Variants in ROBO2 observed in about 807,000 individuals in gnomAD.
ROBO2 encodes roundabout guidance receptor 2.
Under a neutral mutation model 160.8 loss-of-function variants are expected in ROBO2, and 53 were observed. The ratio of observed to expected loss-of-function variants is 0.33; its 90% CI spans 0.26 to 0.41. The LOEUF (loss-of-function observed/expected upper bound fraction) is 0.41. Among genes scored for constraint, ROBO2 ranks in the 10% least tolerant of loss-of-function variants. The pLI is 1.00. For missense variants in ROBO2, 1,577 were observed against 1,722.4 expected (o/e 0.92, Z 1.49); for synonymous variants, 664 against 611.7 (o/e 1.09, Z -1.26).
intron 2 of ROBO2, among the ~76,000 whole-genome samples, chr3:76,532,665 C>A (rs769860446): frequency 6.6e-6 from 1 of 152,096 alleles, no homozygotes; most frequent in Non-Finnish European, 1.5e-5. Context: ...TGTGACATGA[C>A]TGACATGTGA....
intron 2 of ROBO2, among the ~76,000 whole-genome samples, chr3:76,640,293 A>G (rs2090587333): frequency 6.6e-6 from 1 of 152,154 alleles, no homozygotes; most frequent in African/African-American, 2.4e-5. Context: ...CACTTTGGGA[A>G]GCCTAGGGGA....
intron 2 of ROBO2, among the ~76,000 whole-genome samples, chr3:76,439,433 C>T (rs1455576236): frequency 5.3e-5 from 8 of 151,316 alleles, no homozygotes; most frequent in Non-Finnish European, 7.4e-5. Context: ...AAAGAAGAAG[C>T]ATGAAGAGCT....
chr3:77,377,944 A>T (rs551256591), intron 2 of ROBO2, among the ~76,000 whole-genome samples: 1 of 152,142 alleles, frequency 6.6e-6, no homozygotes, highest in East Asian at 1.9e-4. Flanking sequence ...GAGGTGAGGG[A>T]TAATTTTTAT....
chr3:76,285,905 A>G lies in ROBO2; in HGVS notation c.109+348303A>G, dbSNP rs538227025. Among the ~76,000 whole-genome samples, 4 of 152,264 alleles carry G rather than the reference A, an allele frequency of 2.6e-5. No homozygotes were observed. In the East Asian group the frequency reaches 7.7e-4, roughly 29 times the overall value. Reference sequence around the variant, plus strand: ...TTGTATACAGTCCTGTTTGATTTAAAATGTAATCCGCACCCATACTCTTTA... The same window carrying G: ...TTGTATACAGTCCTGTTTGATTTAAGATGTAATCCGCACCCATACTCTTTA... On this transcript the variant is annotated intron_variant, in intron 2 of 26. Coordinates refer to the ROBO2 transcript ENST00000487694.
chr3:76,021,070 T>G (rs2066561811), intron 2 of ROBO2, among the ~76,000 whole-genome samples: 2 of 151,792 alleles, frequency 1.3e-5, no homozygotes, highest in African/African-American at 4.8e-5. Context: ...GGAAGAGTTG[T>G]TCTTGATATT....
intron 2 of ROBO2, among the ~76,000 whole-genome samples, chr3:76,466,885 T>G (rs1280027202): frequency 1.3e-5 from 2 of 152,034 alleles, no homozygotes; most frequent in African/African-American, 4.8e-5. Context: ...AAAATTTGCT[T>G]TAACACTAAG....
intron 2 of ROBO2, among the ~76,000 whole-genome samples, chr3:76,778,209 G>A (rs1433114457): frequency 1.3e-5 from 2 of 151,046 alleles, no homozygotes; most frequent in Non-Finnish European, 3.0e-5. Flanking sequence ...ATGTGTATCA[G>A]ATAGAGAAAA....
chr3:77,591,415 C>G (rs1432822972), intron 17 of ROBO2, among the ~76,000 whole-genome samples: 1 of 152,150 alleles, frequency 6.6e-6, no homozygotes, highest in Non-Finnish European at 1.5e-5. Context: ...TTCTCCTCCT[C>G]TACCCCAGTT....
intron 2 of ROBO2, among the ~76,000 whole-genome samples, chr3:76,029,276 C>T (rs532040211): frequency 1.3e-4 from 19 of 151,972 alleles, no homozygotes; most frequent in South Asian, 4.2e-4. Flanking sequence ...TTTTTGTTAA[C>T]TGTGTTTAAT....
intron 2 of ROBO2, among the ~76,000 whole-genome samples, chr3:77,210,736 C>T (rs1425292690): frequency 6.6e-6 from 1 of 152,014 alleles, no homozygotes; most frequent in African/African-American, 2.4e-5. Context: ...TATCCCTCCC[C>T]CTTCCCCCCA....
At chr3:76,533,128 C>T (rs2082314147) in intron 2 of ROBO2, among the ~76,000 whole-genome samples, 1 of 152,144 alleles carries the variant, frequency 6.6e-6, no homozygotes, top group Non-Finnish European at 1.5e-5. Context: ...TGTATGCATG[C>T]CTTTAAATAA....
At chr3:76,272,164 A>G (rs1294126446) in intron 2 of ROBO2, among the ~76,000 whole-genome samples, 1 of 152,162 alleles carries the variant, frequency 6.6e-6, no homozygotes, top group Non-Finnish European at 1.5e-5. Context: ...TGATTTTCAA[A>G]TTAAATGTTT....
chr3:76,186,924 A>T (rs1196505366), intron 2 of ROBO2, among the ~76,000 whole-genome samples: 1 of 149,612 alleles, frequency 6.7e-6, no homozygotes, highest in Non-Finnish European at 1.5e-5. Context: ...CCTTACATTC[A>T]TATTGAAACA....
intron 2 of ROBO2, among the ~76,000 whole-genome samples, chr3:77,123,937 C>G (rs372173442): frequency 1.5e-5 from 2 of 130,662 alleles, no homozygotes; most frequent in African/African-American, 5.2e-5. Context: ...TATAGATACA[C>G]TTGTATCTAT....
chr3:76,192,568 A>G (rs1004234201), intron 2 of ROBO2, among the ~76,000 whole-genome samples: 63 of 132,848 alleles, frequency 4.7e-4, no homozygotes, highest in Non-Finnish European at 9.0e-4. Context: ...ACACACACAC[A>G]CACGTCATAA....
chr3:77,579,919 A>T (rs555761838), intron 15 of ROBO2, 28 bp from the exon 17 acceptor site: 1 of 1,595,484 alleles, frequency 6.3e-7, no homozygotes. Context: ...TCTTATATCC[A>T]TGTGTTATTC....
chr3:76,560,933 GAT>G (rs10581875), intron 2 of ROBO2, among the ~76,000 whole-genome samples: 2,289 of 127,968 alleles, frequency 0.018, 43 homozygotes, highest in African/African-American at 0.058. Flanking sequence ...TAAGAAGTAA[GAT>G]ATATATATAT....
chr3:76,549,336 C>G (rs2083286766), intron 2 of ROBO2, among the ~76,000 whole-genome samples: 2 of 152,048 alleles, frequency 1.3e-5, no homozygotes, highest in Non-Finnish European at 2.9e-5. Flanking sequence ...TAATTTGGCC[C>G]CGAAGAGCAG....
intron 2 of ROBO2, among the ~76,000 whole-genome samples, chr3:75,997,313 G>T (rs1463151817): frequency 6.6e-6 from 1 of 152,010 alleles, no homozygotes; most frequent in East Asian, 1.9e-4. Flanking sequence ...CTACATTTTT[G>T]AATTTCTTAT....
Sources: allele counts gnomAD v4.1 joint callset (sites outside exome capture counted in the v4.1 genomes callset), GRCh38; gene constraint gnomAD v4.1.1; transcripts MANE v1.5; gene names NCBI Gene and HGNC (gene_info 2026-07-23, HGNC 2026-07-21).